The following TMSB15B variants were observed in gnomAD, a reference collection of about 807,000 sequenced individuals.
TMSB15B encodes the protein thymosin beta 15B.
chrX:103,922,000 TA>T (rs1556317890), intron 1 of TMSB15B, among the ~76,000 whole-genome samples: 1 of 111,441 alleles, frequency 9.0e-6, no homozygotes, highest in East Asian at 2.8e-4. Flanking sequence ...ATTCTGCAGA[TA>T]ACCCAGTTCA....
intron 1 of TMSB15B, among the ~76,000 whole-genome samples, chrX:103,933,588 C>T (rs2074989908): frequency 1.8e-5 from 2 of 111,456 alleles, no homozygotes; most frequent in African/African-American, 6.5e-5. Context: ...AGGTTTTCTT[C>T]CTTATAAGCA....
intron 1 of TMSB15B, among the ~76,000 whole-genome samples, chrX:103,922,356 C>T (rs1448921946): frequency 1.2e-5 from 1 of 80,561 alleles, no homozygotes; most frequent in African/African-American, 4.6e-5. Context: ...AACCCTCCCC[C>T]CTCCCCCACC....
chrX:103,955,722 C>A (rs372436807), intron 1 of TMSB15B, among the ~76,000 whole-genome samples: 33 of 111,717 alleles, frequency 3.0e-4, no homozygotes, highest in African/African-American at 1.0e-3. Flanking sequence ...AAACATATTT[C>A]AGGATGTACT....
intron 1 of TMSB15B, chrX:103,928,572 G>A: frequency 1.7e-6 from 2 of 1,179,443 alleles, no homozygotes; most frequent in Non-Finnish European, 2.3e-6. Context: ...GCATTCTTGA[G>A]GAATTCAATT....
chrX:103,937,789 G>A (rs1441981812), intron 1 of TMSB15B, among the ~76,000 whole-genome samples: 1 of 111,011 alleles, frequency 9.0e-6, no homozygotes, highest in Non-Finnish European at 1.9e-5. Context: ...CTTTCCTGCT[G>A]TCTCCTGTGG....
At chrX:103,937,829 C>A (rs1556322434) in intron 1 of TMSB15B, among the ~76,000 whole-genome samples, 2 of 111,859 alleles carry the variant, frequency 1.8e-5, no homozygotes. Context: ...TCCCTCTACG[C>A]ATTGCTTTAG....
At chrX:103,948,628 A>G (rs1446928295) in intron 1 of TMSB15B, among the ~76,000 whole-genome samples, 4 of 112,814 alleles carry the variant, frequency 3.5e-5, no homozygotes, top group Non-Finnish European at 7.5e-5. Flanking sequence ...CAGTATAAGC[A>G]TAGGTAAAAT....
chrX:103,949,579 C>G, intron 1 of TMSB15B, among the ~76,000 whole-genome samples: 1 of 112,119 alleles, frequency 8.9e-6, no homozygotes, highest in Non-Finnish European at 1.9e-5. Flanking sequence ...AGCCAATGTA[C>G]AGCTGGAGTT....
At chrX:103,941,951 AT>A (rs148519427) in intron 1 of TMSB15B, among the ~76,000 whole-genome samples, 12,261 of 111,219 alleles carry the variant, frequency 0.11, 653 homozygotes, top group Non-Finnish European at 0.17. Context: ...GACATTTGCC[AT>A]TTTTTCCTGT....
intron 1 of TMSB15B, chrX:103,931,397 C>T (rs1469049520): frequency 9.0e-6 from 1 of 111,625 alleles, no homozygotes; most frequent in Non-Finnish European, 1.9e-5. Context: ...ACACCCATGT[C>T]CCCTTTACCC....
intron 1 of TMSB15B, among the ~76,000 whole-genome samples, chrX:103,953,982 T>G: frequency 9.0e-6 from 1 of 111,613 alleles, no homozygotes; most frequent in Non-Finnish European, 1.9e-5. Flanking sequence ...CACCCTCCAT[T>G]GCTTGTCACC....
intron 1 of TMSB15B, among the ~76,000 whole-genome samples, chrX:103,950,825 A>T (rs782103015): frequency 9.0e-6 from 1 of 110,813 alleles, no homozygotes; most frequent in South Asian, 3.9e-4. Flanking sequence ...CACAACATTG[A>T]TAATGCTGGA....
At position 103,921,602 on chromosome X, in the gene TMSB15B, A is replaced by G. The variant is rs189938537; in HGVS notation, c.-721+2310A>G. ...GCTCCAATTGGATACAGGACATCCT[A>G]TCTCTGGCCTCATGTGTGTGAGTCT... On this transcript the variant is annotated intron_variant, in intron 1 of 3. Transcript: ENST00000419165. Among the ~76,000 whole-genome samples, 189 of 112,276 alleles carry G rather than the reference A, an allele frequency of 1.7e-3. 1 individual carries two copies. Among genetic ancestry groups the G allele is most frequent in the African/African-American group, 5.9e-3 (183 of 30,929 alleles).
chrX:103,933,333 C>G (rs1317724735), intron 1 of TMSB15B, among the ~76,000 whole-genome samples: 1 of 111,195 alleles, frequency 9.0e-6, no homozygotes, highest in Non-Finnish European at 1.9e-5. Flanking sequence ...TATACCCTCC[C>G]TCATCATTTC....
At chrX:103,928,007 G>T in intron 1 of TMSB15B, 2 of 526,225 alleles carry the variant, frequency 3.8e-6, no homozygotes, top group Non-Finnish European at 6.0e-6. Flanking sequence ...TAAGCAATGA[G>T]AATGCTTGCC....
intron 1 of TMSB15B, among the ~76,000 whole-genome samples, chrX:103,943,793 C>T (rs1207903101): frequency 9.0e-6 from 1 of 111,275 alleles, no homozygotes; most frequent in African/African-American, 3.3e-5. Context: ...TCCATTGCCC[C>T]CATTTCTTCC....
chrX:103,920,663 A>G lies in TMSB15B; in HGVS notation c.-721+1371A>G, dbSNP rs782394708. Reference sequence around the variant, plus strand: ...TCATAATGTCTTCCTTCTTCAAGCCATGCTTGATGAAGAAGTGTGAGAAAT... The same window carrying G: ...TCATAATGTCTTCCTTCTTCAAGCCGTGCTTGATGAAGAAGTGTGAGAAAT... On this transcript the variant is annotated intron_variant, in intron 1 of 3. Coordinates refer to the TMSB15B transcript ENST00000419165. Among the ~76,000 whole-genome samples the G allele has an allele frequency of 2.0e-4, 23 of 112,815 alleles. No homozygotes were observed. In the South Asian group the frequency reaches 8.5e-3, roughly 42 times the overall value.
At chrX:103,928,584 T>C in intron 1 of TMSB15B, 2 of 1,176,884 alleles carry the variant, frequency 1.7e-6, no homozygotes, top group East Asian at 3.0e-5. Context: ...AATTCAATTC[T>C]TATGGGCTTT....
intron 1 of TMSB15B, among the ~76,000 whole-genome samples, chrX:103,947,732 C>A (rs1377572378): frequency 9.0e-6 from 1 of 111,460 alleles, no homozygotes; most frequent in African/African-American, 3.3e-5. Context: ...TAATTAGATA[C>A]AACATATGCA....
Sources: gnomAD v4.1 joint callset for allele counts (sites outside exome capture counted in the v4.1 genomes callset) on GRCh38, gnomAD v4.1.1 for gene constraint, MANE v1.5 for transcripts, NCBI Gene and HGNC (gene_info 2026-07-23, HGNC 2026-07-21) for gene names.